The following GLCCI1 variants were observed in gnomAD, a reference collection of about 807,000 sequenced individuals.
GLCCI1 encodes the protein glucocorticoid induced 1, also known as glucocorticoid-induced transcript 1 protein.
GLCCI1 carries 24 observed loss-of-function variants against 52.2 expected under a neutral mutation model. The observed-to-expected ratio is 0.46, with a 90% CI of 0.33 to 0.65. GLCCI1 has a LOEUF of 0.65. Ranked by LOEUF, GLCCI1 falls within the 30% of genes least tolerant of loss-of-function variation. The pLI, the probability that GLCCI1 is intolerant of heterozygous loss-of-function variation, is 0.02. For synonymous variants in GLCCI1, 310 were observed against 276.5 expected (o/e 1.12, Z -1.20); for missense variants, 704 against 701.5 (o/e 1.00, Z -0.04).
intron 1 of GLCCI1, among the ~76,000 whole-genome samples, chr7:8,002,196 T>C (rs954858650): frequency 6.6e-6 from 1 of 152,152 alleles, no homozygotes; most frequent in African/African-American, 2.4e-5. Flanking sequence ...TTTTTAGAAC[T>C]CAATAGTAGT....
intron 3 of GLCCI1, among the ~76,000 whole-genome samples, chr7:8,046,948 T>G (rs1782142536): frequency 6.6e-6 from 1 of 152,002 alleles, no homozygotes; most frequent in East Asian, 1.9e-4. Context: ...GATTTGGAGA[T>G]GGATGTGTGT....
Position 8,086,054 on chromosome 7 carries a change from T to C in GLCCI1, c.1299-139T>C. 1.5e-6 allele frequency: 1 copy of C among 672,522 alleles called. No individual in the cohort carries two copies. Among genetic ancestry groups the C allele is most frequent in the Non-Finnish European group, 2.5e-6 (1 of 394,396 alleles). The allele number at this position is 672,522 out of a possible 1,614,324, so 41.7% of individuals were successfully genotyped here. A position where few individuals can be genotyped will look rare whatever the true frequency, so the allele number is the denominator to read the frequency against. On this transcript the variant is annotated intron_variant, in intron 7 of 7. Coordinates refer to ENST00000223145, the MANE Select transcript of GLCCI1 (RefSeq NM_138426.4). The surrounding 1 kb of genome is among the most constrained non-coding windows in gnomAD (Gnocchi z 4.4). Reference sequence around the variant, plus strand: ...GCCAGCTGACTTGTGCTATGGAAGATGTTTACCCCTCTGTATACACTTAAC... The same window carrying C: ...GCCAGCTGACTTGTGCTATGGAAGACGTTTACCCCTCTGTATACACTTAAC...
intron 1 of GLCCI1, among the ~76,000 whole-genome samples, chr7:7,979,717 T>C (rs1290428975): frequency 6.6e-6 from 1 of 152,214 alleles, no homozygotes; most frequent in Non-Finnish European, 1.5e-5. Context: ...AGTAATGTAG[T>C]AATATGTAGT....
intron 1 of GLCCI1, among the ~76,000 whole-genome samples, chr7:7,974,233 AG>A (rs1383345417): frequency 3.9e-5 from 6 of 152,176 alleles, no homozygotes; most frequent in Non-Finnish European, 7.4e-5. Context: ...ATCAGTGAAT[AG>A]CAAAATAGAT....
Position 8,064,997 on chromosome 7 carries a change from G to A in GLCCI1, c.966+4749G>A, listed in dbSNP as rs988956098. Among the ~76,000 whole-genome samples, 4 of 152,114 alleles carry A rather than the reference G, an allele frequency of 2.6e-5. No homozygotes were observed. The South Asian group carries it at 6.2e-4, about 24-fold the overall frequency. Reference sequence around the variant, plus strand: ...CCCCTAAAGTGCTGGGATTATGAGCGTGAGCCACCGCGCCTGGCCAGTGTG... The same window carrying A: ...CCCCTAAAGTGCTGGGATTATGAGCATGAGCCACCGCGCCTGGCCAGTGTG... On this transcript the variant is annotated intron_variant, in intron 5 of 7. Coordinates refer to ENST00000223145, the MANE Select transcript of GLCCI1 (RefSeq NM_138426.4).
chr7:8,026,481 C>T (rs773758129), intron 3 of GLCCI1, among the ~76,000 whole-genome samples: 3 of 152,220 alleles, frequency 2.0e-5, no homozygotes, highest in Non-Finnish European at 4.4e-5. Context: ...AAGTGAGCAA[C>T]CACAGTACCG....
At chr7:8,030,404 CTT>C (rs1781720114) in intron 3 of GLCCI1, among the ~76,000 whole-genome samples, 1 of 152,108 alleles carries the variant, frequency 6.6e-6, no homozygotes, top group Admixed American at 6.6e-5. Context: ...GGATTAAAGA[CTT>C]AAATCTGAGA....
At chr7:7,976,505 G>GAAAAAAAAAAAAAAA (rs1562413230) in intron 1 of GLCCI1, among the ~76,000 whole-genome samples, 3 of 87,602 alleles carry the variant, frequency 3.4e-5, no homozygotes, top group African/African-American at 1.5e-4. Flanking sequence ...AAAAGGAAAG[G>GAAAAAAAAAAAAAAA]AAAAAGGAAA....
chr7:7,993,943 T>C (rs1780893329), intron 1 of GLCCI1, among the ~76,000 whole-genome samples: 1 of 152,214 alleles, frequency 6.6e-6, no homozygotes, highest in Admixed American at 6.5e-5. Flanking sequence ...CATCATAAAG[T>C]CAAAAAATTC....
chr7:8,017,232 T>C (rs1781396966), intron 2 of GLCCI1, among the ~76,000 whole-genome samples: 1 of 152,208 alleles, frequency 6.6e-6, no homozygotes, highest in African/African-American at 2.4e-5. Context: ...TTTAGAATGG[T>C]GTGAAAAATA....
At chr7:8,034,971 G>A (rs1781834281) in intron 3 of GLCCI1, among the ~76,000 whole-genome samples, 1 of 152,210 alleles carries the variant, frequency 6.6e-6, no homozygotes, top group African/African-American at 2.4e-5. Flanking sequence ...GACCCGAGCT[G>A]TGATGGCAGG....
intron 3 of GLCCI1, among the ~76,000 whole-genome samples, chr7:8,053,131 G>T (rs1030429542): frequency 6.6e-6 from 1 of 151,536 alleles, no homozygotes; most frequent in African/African-American, 2.4e-5. Context: ...ATGTGTTTCT[G>T]GTTCTCAGAT....
At chr7:8,035,994 G>T (rs950917833) in intron 3 of GLCCI1, among the ~76,000 whole-genome samples, 5 of 152,224 alleles carry the variant, frequency 3.3e-5, no homozygotes, top group Non-Finnish European at 7.3e-5. Flanking sequence ...AGGCTACTGT[G>T]CATTACACAG....
At chr7:7,977,869 C>T (rs372298530) in intron 1 of GLCCI1, among the ~76,000 whole-genome samples, 72 of 152,306 alleles carry the variant, frequency 4.7e-4, no homozygotes, top group Middle Eastern at 6.8e-3. Context: ...AGGCAGCATG[C>T]ACAGGGCTCT....
chr7:8,014,851 C>T (rs1289873410), intron 2 of GLCCI1, among the ~76,000 whole-genome samples: 2 of 152,170 alleles, frequency 1.3e-5, no homozygotes, highest in Admixed American at 1.3e-4. Flanking sequence ...TATACTGATA[C>T]TTCCCTTTCT....
Position 8,087,326 on chromosome 7 carries a change from C to G in GLCCI1, c.*788C>G, listed in dbSNP as rs186869105. 1 of 152,638 alleles carries G rather than the reference C, an allele frequency of 6.6e-6. No individual in the cohort carries two copies. The highest frequency in any genetic ancestry group is 2.4e-5 in the African/African-American group (1 of 41,454). 9.5% of individuals were successfully genotyped at this position (152,638 alleles called of 1,614,324 possible). On this transcript the variant is annotated 3_prime_UTR_variant, in exon 8 of 8. Transcript: ENST00000223145. The stretch of plus-strand genomic sequence containing the variant: ...GTGGTTACAAGTAAAACAACTGTTG[C>G]ATTCACTGTTTCAACATGTGTACAT...
At chr7:8,083,831 T>C (rs1387023004) in intron 6 of GLCCI1, among the ~76,000 whole-genome samples, 2 of 152,244 alleles carry the variant, frequency 1.3e-5, no homozygotes, top group Non-Finnish European at 2.9e-5. Flanking sequence ...TTCCTAAGCA[T>C]GTGTTATAAC....
intron 1 of GLCCI1, among the ~76,000 whole-genome samples, chr7:7,992,888 C>A (rs1780870272): frequency 6.6e-6 from 1 of 151,918 alleles, no homozygotes; most frequent in Admixed American, 6.6e-5. Context: ...GTTTTGATAT[C>A]TTTTCTAAGT....
At chr7:8,078,438 C>T (rs1234572685) in intron 6 of GLCCI1, among the ~76,000 whole-genome samples, 2 of 152,004 alleles carry the variant, frequency 1.3e-5, no homozygotes, top group East Asian at 1.9e-4. Context: ...TATTCCACAC[C>T]CTTGTCAGCA....
Sources: gnomAD v4.1 joint callset for allele counts (sites outside exome capture counted in the v4.1 genomes callset) on GRCh38, gnomAD v4.1.1 for gene constraint, Gnocchi (gnomAD v3.1) non-coding constraint, MANE v1.5 for transcripts, NCBI Gene and HGNC (gene_info 2026-07-23, HGNC 2026-07-21) for gene names.